Variants in ITPR3 observed in about 807,000 individuals in gnomAD.
ITPR3 encodes the protein inositol 1,4,5-trisphosphate receptor type 3, also known as inositol 1,4,5-trisphosphate-gated calcium channel ITPR3.
A neutral mutation model predicts 293.2 loss-of-function variants in ITPR3; 173 were observed. That is an observed-to-expected ratio of 0.59 (90% CI 0.52 to 0.67). The LOEUF is 0.67. ITPR3 is among the 30% of genes least tolerant of loss of function. The pLI is 0.00. For synonymous variants in ITPR3, 1,295 were observed against 1,444.4 expected, an observed-to-expected ratio of 0.90 and a Z score of 2.35; for missense variants, 2,796 against 3,592.1, an observed-to-expected ratio of 0.78 and a Z score of 5.66.
intron 1 of ITPR3, among the ~76,000 whole-genome samples, chr6:33,630,280 T>C (rs1169891260): frequency 6.6e-6 from 1 of 152,070 alleles, no homozygotes; most frequent in Non-Finnish European, 1.5e-5. Context: ...AGGGCTGCCT[T>C]TGTTGCTTTG....
rs545853195 is a variant in ITPR3, at chr6:33,679,818, G to A, written c.3973-64G>A. 2.6e-6 allele frequency: 4 copies of A among 1,554,702 alleles called. No homozygotes were observed. The highest frequency in any genetic ancestry group is 1.4e-5 in the African/African-American group (1 of 73,986). ...TCCCAGTTTCTCCCTGGTAAGCAAC[G>A]GAGAGGAGAGCCCAGGGCTTGCTGG... On this transcript the variant is annotated intron_variant, in intron 30 of 57. Coordinates refer to ENST00000605930, the MANE Select transcript of ITPR3 (RefSeq NM_002224.4). This position sits in a 1 kb window ranked among gnomAD's most constrained non-coding sequence, Gnocchi z 4.2.
rs753263353 is a variant in ITPR3, at chr6:33,671,161, G to A, written c.2587-4G>A. On this transcript the variant is annotated splice_polypyrimidine_tract_variant and splice_region_variant and intron_variant, in intron 20 of 57. Coordinates refer to ENST00000605930, the MANE Select transcript of ITPR3 (RefSeq NM_002224.4). ...ACCTCACCTCGGCCACGCCCCCTTC[G>A]CAGGTGGTCAGCCTGGCGCACAATC... 5 of 1,612,854 alleles carry A rather than the reference G, an allele frequency of 3.1e-6. No individual in the cohort carries two copies. The highest frequency in any genetic ancestry group is 2.7e-5 in the African/African-American group (2 of 74,692).
At chr6:33,673,830 G>T in intron 23 of ITPR3, 110 bp downstream of exon 23, 8 of 1,283,920 alleles carry the variant, frequency 6.2e-6, no homozygotes, top group Non-Finnish European at 8.6e-6. Flanking sequence ...GTCTGCAAAG[G>T]CCTTTTCTTT....
chr6:33,661,692 G>A (rs964217441), intron 7 of ITPR3, among the ~76,000 whole-genome samples: 47 of 152,212 alleles, frequency 3.1e-4, no homozygotes, highest in African/African-American at 1.1e-3. Context: ...AGGTCACACA[G>A]CTTTTAAGAG....
In ITPR3 at chr6:33,658,433, G is replaced by A. The variant is rs1311619763; in HGVS notation, c.370-237G>A. On this transcript the variant is annotated intron_variant, in intron 4 of 57. Coordinates refer to ENST00000605930, the MANE Select transcript of ITPR3 (RefSeq NM_002224.4). The surrounding 1 kb of genome is among the most constrained non-coding windows in gnomAD (Gnocchi z 6.1). ...TGAGCTAATCTATGTAAAGTATTTA[G>A]AACAGCCTCTTTCTTGTGATCACCA... 1.3e-5 allele frequency among the ~76,000 whole-genome samples: 2 copies of A among 152,326 alleles called. No homozygotes were observed. The highest frequency in any genetic ancestry group is 4.8e-5 in the African/African-American group (2 of 41,572).
rs1764830240 is a variant in ITPR3 at position 33,673,684 on chromosome 6, G to T, written c.3022G>T (p.Gly1008Trp). 1.2e-6 allele frequency: 2 copies of T among 1,614,186 alleles called. No individual in the cohort carries two copies. The highest frequency in any genetic ancestry group is 1.7e-6 in the Non-Finnish European group (2 of 1,180,026). ...FVEVFPMQDS[G>W]ADGTAPAFDS... ...GGAGGTGTTTCCCATGCAGGACAGT[G>T]GGGCTGATGGCACAGCCCCTGCCTT... is the stretch of plus-strand genomic sequence containing the variant. Residue 1008 changes from glycine to tryptophan, a missense_variant, in exon 23 of 58, where the codon GGG becomes TGG. Transcript: ENST00000605930.
In ITPR3 at chr6:33,634,320, G is replaced by C. The variant is rs550439165; in HGVS notation, c.90-6164G>C. Among the ~76,000 whole-genome samples, 61 of 152,270 alleles carry C rather than the reference G, an allele frequency of 4.0e-4. 1 individual carries two copies. Among genetic ancestry groups the C allele is most frequent in the Middle Eastern group, 6.8e-3 (2 of 294 alleles). ...AGGTGGCAAGGTGCCACCTCTTGGA[G>C]GTTCTTGGGGGACACAGAATGGAGC... On this transcript the variant is annotated intron_variant, in intron 1 of 57. Transcript: ENST00000605930.
chr6:33,639,596 T>C (rs12663370), intron 1 of ITPR3, among the ~76,000 whole-genome samples: 1 of 151,984 alleles, frequency 6.6e-6, no homozygotes, highest in African/African-American at 2.4e-5. Flanking sequence ...TAAGACAGAG[T>C]TGGCCTTTGA....
rs1321330791 is a variant in ITPR3 at position 33,667,434 on chromosome 6, G to T, written c.1713+144G>T. The T allele has an allele frequency of 9.0e-7, 1 of 1,109,964 alleles. No individual in the cohort carries two copies. The highest frequency in any genetic ancestry group is 2.7e-5 in the Admixed American group (1 of 36,878). The allele number at this position is 1,109,964 out of a possible 1,614,324, so 68.8% of individuals were successfully genotyped here. A position where few individuals can be genotyped will look rare whatever the true frequency, so the allele number is the denominator to read the frequency against. Reference sequence around the variant, plus strand: ...CCAGACAGCAGGGCCGGGTTCATGGGAATGGGACCTGGCCCGGTGCTCACA... The same window carrying T: ...CCAGACAGCAGGGCCGGGTTCATGGTAATGGGACCTGGCCCGGTGCTCACA... On this transcript the variant is annotated intron_variant, in intron 15 of 57. Transcript: ENST00000605930. This position sits in a 1 kb window ranked among gnomAD's most constrained non-coding sequence, Gnocchi z 4.4.
chr6:33,652,388 C>T (rs1169056316), intron 2 of ITPR3, among the ~76,000 whole-genome samples: 1 of 152,178 alleles, frequency 6.6e-6, no homozygotes, highest in Non-Finnish European at 1.5e-5. Context: ...AGCCTGCCCA[C>T]CCCGAGTCTG....
rs780317975 is a variant in ITPR3, at chr6:33,664,917, A to G, written c.1196A>G (p.Gln399Arg). 6 of 1,613,468 alleles carry G rather than the reference A, an allele frequency of 3.7e-6. No individual in the cohort carries two copies. In the South Asian group the frequency reaches 6.6e-5, roughly 18 times the overall value. The change falls in exon 12 of 58, where the codon CAG (glutamine) becomes CGG (arginine). Residue 399 changes from glutamine (Q) to arginine (R), a missense_variant. Gln to Arg is a conservative substitution (Grantham distance 43). Transcript: ENST00000605930. This position sits in a 1 kb window ranked among gnomAD's most constrained non-coding sequence, Gnocchi z 4.4. ...CACCTCTGCACCAACACGTGGATTC[A>G]GAGCACCAATGTGCCCATTGACATC... ...LRHLCTNTWI[Q>R]STNVPIDIEE... is the part of the protein sequence containing the mutation.
chr6:33,670,826 G>T lies in ITPR3; in HGVS notation c.2586+11G>T, dbSNP rs1764741044. 1 of 1,612,534 alleles carries T rather than the reference G, an allele frequency of 6.2e-7. No individual in the cohort carries two copies. The highest frequency in any genetic ancestry group is 8.5e-7 in the Non-Finnish European group (1 of 1,179,884). On this transcript the variant is annotated intron_variant, in intron 20 of 57. Transcript: ENST00000605930. This position sits in a 1 kb window ranked among gnomAD's most constrained non-coding sequence, Gnocchi z 6.7. ...AAGCTCACTTTTGAGGTGGCTGGGG[G>T]AGTGCCCAGGGGCTGGGGGTCCGTG...
intron 1 of ITPR3, among the ~76,000 whole-genome samples, chr6:33,635,556 C>T (rs1335006241): frequency 1.3e-5 from 2 of 152,124 alleles, no homozygotes; most frequent in Non-Finnish European, 2.9e-5. Context: ...GGATAGTAAA[C>T]AAAATAAGTA....
At position 33,684,023 on chromosome 6, in the gene ITPR3, A is replaced by G. The variant is rs1330144971; in HGVS notation, c.4792A>G (p.Ile1598Val). The part of the protein sequence containing the change: ...YKNIIEKLQD[I>V]ITALEERLKP... ...GACTCTGCCCTGCCCACCCCAGGAC[A>G]TCATCACAGCCCTGGAGGAGCGGCT... The change falls in exon 36 of 58, where the codon ATC becomes GTC. Residue 1598 changes from isoleucine to valine, a missense_variant. This residue lies in a region of ITPR3 where 704 missense variants were observed against 797.5 expected (regional missense o/e 0.88). Coordinates refer to ENST00000605930, the MANE Select transcript of ITPR3 (RefSeq NM_002224.4). The surrounding 1 kb of genome is among the most constrained non-coding windows in gnomAD (Gnocchi z 4.2). The G allele has an allele frequency of 1.2e-6, 2 of 1,603,952 alleles. No individual in the cohort carries two copies. The highest frequency in any genetic ancestry group is 1.3e-5 in the African/African-American group (1 of 74,764).
chr6:33,650,679 G>A (rs188319006), intron 2 of ITPR3, among the ~76,000 whole-genome samples: 2,471 of 152,036 alleles, frequency 0.016, 73 homozygotes, highest in African/African-American at 0.053. Flanking sequence ...TGTCCAGTGA[G>A]TTTTAAATTT....
At position 33,665,142 on chromosome 6, in the gene ITPR3, T is replaced by C. The variant is rs1327039531; in HGVS notation, c.1338T>C (p.Asn446=). ...VSEIRDLDFA[N]DASSMLASAV... ...AGATCCGAGACCTGGACTTTGCCAATGACGCCAGCTCCATGCTGGCCAGTG... is the reference window on the plus strand; with the variant it reads ...AGATCCGAGACCTGGACTTTGCCAACGACGCCAGCTCCATGCTGGCCAGTG... The change falls in exon 13 of 58, where the codon AAT becomes AAC. Residue 446 remains asparagine, a synonymous_variant. Coordinates refer to ENST00000605930, the MANE Select transcript of ITPR3 (RefSeq NM_002224.4). 3 of 1,614,076 alleles carry C rather than the reference T, an allele frequency of 1.9e-6. No individual in the cohort carries two copies. Among genetic ancestry groups the C allele is most frequent in the Non-Finnish European group, 2.5e-6 (3 of 1,180,046 alleles).
At chr6:33,630,687 G>A (rs570847918) in intron 1 of ITPR3, among the ~76,000 whole-genome samples, 2 of 152,296 alleles carry the variant, frequency 1.3e-5, no homozygotes, top group African/African-American at 2.4e-5. Context: ...CACTGGCCCC[G>A]ACCTTTATTT....
Position 33,688,335 on chromosome 6 carries a change from A to G in ITPR3, c.6472A>G (p.Thr2158Ala), listed in dbSNP as rs1304122163. ...GGAAACCAAGCACCGGCTCTTCACC[A>G]CTACTGAGCAGGACGAGCAGGGCAG... Reference protein sequence around the residue: ...TEETKHRLFTTTEQDEQGSKV... With the variant: ...TEETKHRLFTATEQDEQGSKV... Residue 2158 changes from threonine (T) to alanine (A), a missense_variant, in exon 48 of 58, where the codon ACT (threonine) becomes GCT (alanine). By Grantham distance (58) the Thr-to-Ala change is moderately conservative. Around this residue, in one of 8 missense-constraint regions of ITPR3, gnomAD observed 568 missense variants for 796.1 expected, o/e 0.71. Transcript: ENST00000605930. The G allele has an allele frequency of 2.5e-6, 4 of 1,613,774 alleles. No homozygotes were observed. The South Asian group carries it at 4.4e-5, about 18-fold the overall frequency.
intron 3 of ITPR3, 73 bp from the exon 4 acceptor site, chr6:33,657,859 G>A: frequency 8.0e-7 from 1 of 1,249,364 alleles, no homozygotes; most frequent in Non-Finnish European, 1.2e-6. Context: ...GCGTGCATGT[G>A]TGGGGCTGGG....
Sources: allele counts gnomAD v4.1 joint callset (sites outside exome capture counted in the v4.1 genomes callset), GRCh38; gene constraint gnomAD v4.1.1; regional missense constraint gnomAD v4.1.1; non-coding constraint Gnocchi (gnomAD v3.1); transcripts MANE v1.5; gene names NCBI Gene and HGNC (gene_info 2026-07-23, HGNC 2026-07-21).